The following CCNJ variants were observed in gnomAD, a reference collection of about 807,000 sequenced individuals.
CCNJ encodes the protein cyclin J.
Under a neutral mutation model 41.4 loss-of-function variants are expected in CCNJ, and 12 were observed. The observed-to-expected ratio is 0.29, with a 90% CI of 0.19 to 0.47. The LOEUF is 0.47. Ranked by LOEUF, CCNJ falls within the 20% of genes least tolerant of loss-of-function variation. The pLI, the probability that CCNJ is intolerant of heterozygous loss-of-function variation, is 1.00. For missense variants in CCNJ, 340 were observed against 464.6 expected, an observed-to-expected ratio of 0.73 and a Z score of 2.47; for synonymous variants, 161 against 173.4, an observed-to-expected ratio of 0.93 and a Z score of 0.56.
Position 96,057,841 on chromosome 10 carries a change from A to T in CCNJ, c.752A>T (p.Asn251Ile), listed in dbSNP as rs1183449036. The T allele has an allele frequency of 1.2e-6, 2 of 1,613,696 alleles. No homozygotes were observed. The highest frequency in any genetic ancestry group is 1.7e-6 in the Non-Finnish European group (2 of 1,179,764). The stretch of plus-strand genomic sequence containing the variant: ...TCTCCACGTTTCAGCGCTCATGATA[A>T]TGATGTGAAAGAAGCAAACAAACAG... ...CIERLLIAHD[N>I]DVKEANKQRG... Residue 251 changes from asparagine to isoleucine, a missense_variant, in exon 6 of 6, where the codon AAT becomes ATT. Physicochemically the swap from Asn to Ile is moderately radical, Grantham distance 149. This residue lies in a region of CCNJ where 159 missense variants were observed against 168.2 expected (regional missense o/e 0.95). Coordinates refer to ENST00000465148, the MANE Select transcript of CCNJ (RefSeq NM_001134375.2).
intron 5 of CCNJ, 118 bp downstream of exon 5, chr10:96,057,365 C>A: frequency 1.2e-6 from 1 of 822,192 alleles, no homozygotes; most frequent in Non-Finnish European, 2.0e-6. Context: ...CTTTTGGCAG[C>A]AGTTACTTGC....
rs536650490 is a variant in CCNJ, at chr10:96,055,816, G to A, written c.281-885G>A. Among the ~76,000 whole-genome samples, 361 of 152,192 alleles carry A rather than the reference G, an allele frequency of 2.4e-3. 3 individuals carry two copies. Among genetic ancestry groups the A allele is most frequent in the Middle Eastern group, 6.8e-3 (2 of 294 alleles). ...CCCCATGCCCCTTTTTTCTTTAACA[G>A]ACTAGATTTTTGTTTTGAATTCAGA... On this transcript the variant is annotated intron_variant, in intron 3 of 5. Transcript: ENST00000465148.
At chr10:96,044,278 T>A (rs2142019470) in intron 1 of CCNJ, 75 bp from the exon 2 acceptor site, 1 of 769,310 alleles carries the variant, frequency 1.3e-6, no homozygotes, top group East Asian at 3.2e-5. Context: ...TGGCCTGAGG[T>A]CACACCCCCC....
chr10:96,057,866 G>A lies in CCNJ; in HGVS notation c.777G>A (p.Gln259=). 6.2e-7 allele frequency: 1 copy of A among 1,614,114 alleles called. No individual in the cohort carries two copies. Among genetic ancestry groups the A allele is most frequent in the Non-Finnish European group, 8.5e-7 (1 of 1,179,988 alleles). Reference sequence around the variant, plus strand: ...ATGATGTGAAAGAAGCAAACAAACAGAGAGGGCAAGCAGGACCTCAGTCAG... The same window carrying A: ...ATGATGTGAAAGAAGCAAACAAACAAAGAGGGCAAGCAGGACCTCAGTCAG... ...HDNDVKEANK[Q]RGQAGPQSAQ... The change falls in exon 6 of 6, where the codon CAG becomes CAA. Residue 259 remains glutamine (Q), a synonymous_variant. Coordinates refer to ENST00000465148, the MANE Select transcript of CCNJ (RefSeq NM_001134375.2).
chr10:96,044,084 C>T (rs1054191336), intron 1 of CCNJ, among the ~76,000 whole-genome samples: 3 of 152,232 alleles, frequency 2.0e-5, no homozygotes, highest in Admixed American at 1.3e-4. Flanking sequence ...CCTGGCTCCG[C>T]GCTTTGGCAA....
intron 2 of CCNJ, among the ~76,000 whole-genome samples, chr10:96,049,751 C>A (rs2080471564): frequency 1.3e-5 from 2 of 152,040 alleles, no homozygotes; most frequent in Admixed American, 1.3e-4. Context: ...AAGGGCAGAT[C>A]ATAAAACTGT....
chr10:96,056,289 A>C (rs1379324612), intron 3 of CCNJ, among the ~76,000 whole-genome samples: 2 of 151,746 alleles, frequency 1.3e-5, no homozygotes, highest in Non-Finnish European at 2.9e-5. Flanking sequence ...AGCCTGGGCG[A>C]CAGAGCAAGA....
upstream of CCNJ, chr10:96,043,546 C>T (rs950128947): frequency 2.5e-5 from 10 of 394,254 alleles, no homozygotes; most frequent in Non-Finnish European, 2.7e-5. Context: ...AGTGCCCCCG[C>T]GCTGGCTTTG....
At chr10:96,050,212 C>T (rs536959284) in intron 2 of CCNJ, 44 bp from the exon 3 acceptor site, 16 of 1,264,590 alleles carry the variant, frequency 1.3e-5, no homozygotes, top group African/African-American at 4.4e-5. Context: ...TGTGGGGATA[C>T]GCCTACAGAT....
intron 3 of CCNJ, among the ~76,000 whole-genome samples, chr10:96,051,620 G>T (rs1305287651): frequency 2.0e-5 from 3 of 152,130 alleles, no homozygotes; most frequent in African/African-American, 7.2e-5. Flanking sequence ...GTCAAATATG[G>T]CTGGGATGAA....
chr10:96,048,823 G>C (rs1184398143), intron 2 of CCNJ, among the ~76,000 whole-genome samples: 1 of 152,156 alleles, frequency 6.6e-6, no homozygotes, highest in Non-Finnish European at 1.5e-5. Flanking sequence ...TTCATCTGCT[G>C]GTGGGCATTT....
At chr10:96,044,570 G>C in intron 2 of CCNJ, 108 bp downstream of exon 2, 1 of 826,246 alleles carries the variant, frequency 1.2e-6, no homozygotes. Context: ...TATCTTCCGG[G>C]CCAGAAAAGG....
chr10:96,054,439 A>G (rs2080621676), intron 3 of CCNJ, among the ~76,000 whole-genome samples: 1 of 152,104 alleles, frequency 6.6e-6, no homozygotes, highest in East Asian at 1.9e-4. Flanking sequence ...ACATAATGGA[A>G]AAGTTCCAAA....
intron 2 of CCNJ, among the ~76,000 whole-genome samples, chr10:96,047,337 C>T (rs995991534): frequency 1.3e-5 from 2 of 152,076 alleles, no homozygotes; most frequent in Admixed American, 1.3e-4. Context: ...CGGCATCTTC[C>T]CTTTATGTGG....
At chr10:96,050,602 G>C in intron 3 of CCNJ, 136 bp downstream of exon 3, 1 of 665,770 alleles carries the variant, frequency 1.5e-6, no homozygotes, top group South Asian at 2.0e-5. Flanking sequence ...TATGTTAAAA[G>C]TGCTTCTCAG....
At chr10:96,050,612 G>C (rs1304053701) in intron 3 of CCNJ, 146 bp downstream of exon 3, 4 of 653,752 alleles carry the variant, frequency 6.1e-6, no homozygotes, top group Non-Finnish European at 1.0e-5. Flanking sequence ...GTGCTTCTCA[G>C]TGTAATAATT....
rs1205593325 is a variant in CCNJ at position 96,050,474 on chromosome 10, T to C, written c.280+8T>C. 3 of 1,600,186 alleles carry C rather than the reference T, an allele frequency of 1.9e-6. No individual in the cohort carries two copies. In the Admixed American group the frequency reaches 5.0e-5, roughly 27 times the overall value. ...CCTGCCTGCTTCTAGCAAGTAAGTA[T>C]GAATCTGATTTACATGACTGGAAAT... On this transcript the variant is annotated splice_region_variant and intron_variant, in intron 3 of 5. Coordinates refer to ENST00000465148, the MANE Select transcript of CCNJ (RefSeq NM_001134375.2).
intron 5 of CCNJ, among the ~76,000 whole-genome samples, 157 bp from the exon 6 acceptor site, chr10:96,057,673 C>G (rs1239780370): frequency 6.6e-6 from 1 of 152,174 alleles, no homozygotes; most frequent in Non-Finnish European, 1.5e-5. Context: ...TAGAAGAACA[C>G]AAGCGAGGTC....
Position 96,049,082 on chromosome 10 carries a change from T to A in CCNJ, c.70-1174T>A, listed in dbSNP as rs34846723. On this transcript the variant is annotated intron_variant, in intron 2 of 5. Transcript: ENST00000465148. ...TTCTCCACATTCAAGCTAACACTTA[T>A]GATTATCTGGTTTTGTTTTGTTTTG... 3.4e-3 allele frequency among the ~76,000 whole-genome samples: 515 copies of A among 152,250 alleles called. 2 individuals are homozygous for A. The highest frequency in any genetic ancestry group is 6.0e-3 in the Non-Finnish European group (411 of 68,004).
Sources: gnomAD v4.1 joint callset for allele counts (sites outside exome capture counted in the v4.1 genomes callset) on GRCh38, gnomAD v4.1.1 for gene constraint, gnomAD v4.1.1 regional missense constraint, MANE v1.5 for transcripts, NCBI Gene and HGNC (gene_info 2026-07-23, HGNC 2026-07-21) for gene names.